Variants in IL1RAPL2 observed in about 807,000 individuals in gnomAD.
The protein encoded by IL1RAPL2 is interleukin 1 receptor accessory protein like 2, also known as X-linked interleukin-1 receptor accessory protein-like 2.
In IL1RAPL2, 3 loss-of-function variants were observed where a neutral mutation model predicts 44.1. The ratio of observed to expected loss-of-function variants is 0.07; its 90% CI spans 0.03 to 0.18. IL1RAPL2 has a LOEUF of 0.18. Among genes scored for constraint, IL1RAPL2 ranks in the 10% least tolerant of loss-of-function variants. The pLI is 1.00. For missense variants in IL1RAPL2, 391 were observed against 496.4 expected, an observed-to-expected ratio of 0.79 and a Z score of 2.02; for synonymous variants, 181 against 178.8, an observed-to-expected ratio of 1.01 and a Z score of -0.10.
At chrX:104,888,599 A>G (rs1325596485) in intron 2 of IL1RAPL2, among the ~76,000 whole-genome samples, 6 of 110,116 alleles carry the variant, frequency 5.4e-5, no homozygotes, top group Non-Finnish European at 9.5e-5. Flanking sequence ...CTAGCTCCTA[A>G]TTACCTCTAC....
At chrX:104,729,527 T>C (rs376610617) in intron 2 of IL1RAPL2, among the ~76,000 whole-genome samples, 2 of 106,974 alleles carry the variant, frequency 1.9e-5, no homozygotes, top group East Asian at 5.8e-4. Flanking sequence ...GTATTTTAGT[T>C]TCATGGGTAC....
At chrX:104,760,304 G>C (rs1932405400) in intron 2 of IL1RAPL2, among the ~76,000 whole-genome samples, 1 of 111,999 alleles carries the variant, frequency 8.9e-6, no homozygotes, top group Non-Finnish European at 1.9e-5. Flanking sequence ...ACCCAGCAGT[G>C]GGATTGCTGG....
At chrX:105,601,766 G>A (rs2037253610) in intron 6 of IL1RAPL2, among the ~76,000 whole-genome samples, 1 of 110,821 alleles carries the variant, frequency 9.0e-6, no homozygotes, top group Non-Finnish European at 1.9e-5. Context: ...ATTCTTCCCT[G>A]TACTTTAATA....
intron 2 of IL1RAPL2, among the ~76,000 whole-genome samples, chrX:105,129,411 A>G (rs2033006187): frequency 9.0e-6 from 1 of 110,984 alleles, no homozygotes; most frequent in Non-Finnish European, 1.9e-5. Context: ...TCTTAGTACC[A>G]TCACCTTGGG....
chrX:104,611,861 A>AT (rs2148004728), intron 1 of IL1RAPL2, among the ~76,000 whole-genome samples: 1 of 97,531 alleles, frequency 1.0e-5, no homozygotes, highest in Non-Finnish European at 2.1e-5. Context: ...AAAAAAAAAA[A>AT]GAATTTCAAG....
At chrX:104,625,386 C>T (rs1473623396) in intron 1 of IL1RAPL2, among the ~76,000 whole-genome samples, 1 of 112,066 alleles carries the variant, frequency 8.9e-6, no homozygotes, top group African/African-American at 3.2e-5. Context: ...ACAGCTTGGA[C>T]TCATTCTCCA....
chrX:105,001,933 G>A (rs6652393), intron 2 of IL1RAPL2, among the ~76,000 whole-genome samples: 45,337 of 109,911 alleles, frequency 0.41, 6,881 homozygotes, highest in East Asian at 0.65. Flanking sequence ...GGGTACTTCT[G>A]AAGTGAACAG....
At chrX:104,691,343 C>T (rs1447172922) in intron 2 of IL1RAPL2, among the ~76,000 whole-genome samples, 1 of 111,727 alleles carries the variant, frequency 9.0e-6, no homozygotes, top group Non-Finnish European at 1.9e-5. Context: ...TCTGGGATTT[C>T]TTTAAAGGTC....
intron 5 of IL1RAPL2, among the ~76,000 whole-genome samples, chrX:105,362,805 T>C (rs1341618983): frequency 1.8e-5 from 2 of 111,822 alleles, no homozygotes; most frequent in Non-Finnish European, 3.8e-5. Flanking sequence ...TTGATCTATG[T>C]GTATATTGTA....
intron 6 of IL1RAPL2, among the ~76,000 whole-genome samples, chrX:105,662,582 C>T (rs1287625621): frequency 8.9e-6 from 1 of 112,070 alleles, no homozygotes; most frequent in Non-Finnish European, 1.9e-5. Flanking sequence ...ATGGGCTGAC[C>T]TTAATGCACT....
chrX:105,242,421 C>T (rs2034178121), intron 4 of IL1RAPL2, among the ~76,000 whole-genome samples: 1 of 111,978 alleles, frequency 8.9e-6, no homozygotes, highest in Non-Finnish European at 1.9e-5. Context: ...ATAAACATCA[C>T]TCACACAACA....
At chrX:105,015,496 C>A (rs1417405095) in intron 2 of IL1RAPL2, among the ~76,000 whole-genome samples, 1 of 111,475 alleles carries the variant, frequency 9.0e-6, no homozygotes, top group Non-Finnish European at 1.9e-5. Context: ...TTGTATAAGG[C>A]GTAAAGAAGA....
intron 3 of IL1RAPL2, among the ~76,000 whole-genome samples, chrX:105,213,439 A>G (rs2033824530): frequency 9.1e-6 from 1 of 109,720 alleles, no homozygotes; most frequent in African/African-American, 3.3e-5. Flanking sequence ...AAAAGAATAA[A>G]AAGGAATGAA....
chrX:105,257,707 C>T (rs1038668402), intron 4 of IL1RAPL2, among the ~76,000 whole-genome samples: 1 of 112,208 alleles, frequency 8.9e-6, no homozygotes, highest in African/African-American at 3.2e-5. Flanking sequence ...ATATTTTAAT[C>T]TTTGTTGGTT....
At chrX:105,754,109 T>C (rs915295358) in intron 9 of IL1RAPL2, among the ~76,000 whole-genome samples, 36 of 112,413 alleles carry the variant, frequency 3.2e-4, no homozygotes, top group African/African-American at 1.1e-3. Context: ...TAATAGAAAA[T>C]ATTGATGTGT....
intron 2 of IL1RAPL2, among the ~76,000 whole-genome samples, chrX:105,107,486 C>T (rs189248789): frequency 2.7e-5 from 3 of 112,232 alleles, no homozygotes; most frequent in South Asian, 3.7e-4. Context: ...AAGACACTGA[C>T]GAATTAATGA....
At chrX:105,367,663 A>G (rs995378087) in intron 5 of IL1RAPL2, among the ~76,000 whole-genome samples, 2 of 111,706 alleles carry the variant, frequency 1.8e-5, no homozygotes, top group Non-Finnish European at 3.8e-5. Flanking sequence ...TTTGTTTTTC[A>G]TGACACATTT....
chrX:104,996,074 CT>C (rs1227586748), intron 2 of IL1RAPL2, among the ~76,000 whole-genome samples: 9 of 111,300 alleles, frequency 8.1e-5, no homozygotes, highest in African/African-American at 1.3e-4. Context: ...TTTTTTCCCC[CT>C]ATCAGAGTCA....
intron 2 of IL1RAPL2, among the ~76,000 whole-genome samples, chrX:104,947,692 G>C (rs1186986220): frequency 9.0e-6 from 1 of 110,848 alleles, no homozygotes; most frequent in Admixed American, 9.6e-5. Flanking sequence ...CCCATTTCTT[G>C]TTTTTGTCAG....
Sources: gnomAD v4.1 joint callset for allele counts (sites outside exome capture counted in the v4.1 genomes callset) on GRCh38, gnomAD v4.1.1 for gene constraint, MANE v1.5 for transcripts, NCBI Gene and HGNC (gene_info 2026-07-23, HGNC 2026-07-21) for gene names.